The following BTBD10 variants were observed in gnomAD, a reference collection of about 807,000 sequenced individuals.
BTBD10 encodes BTB domain containing 10.
In BTBD10, 21 loss-of-function variants were observed where a neutral mutation model predicts 53.2. That is an observed-to-expected ratio of 0.39 (90% CI 0.28 to 0.57). The LOEUF is 0.57. BTBD10 is among the 20% of genes least tolerant of loss of function. The probability of loss-of-function intolerance (pLI) is 0.53; values close to 1 mark genes in which losing one functional copy is unlikely to be tolerated. For synonymous variants in BTBD10, 149 were observed against 192.7 expected (o/e 0.77, Z 1.88); for missense variants, 360 against 594.7 (o/e 0.61, Z 4.10).
chr11:13,404,641 G>T lies in BTBD10; in HGVS notation c.1006+1018C>A, dbSNP rs980958138. The T allele has an allele frequency of 1.8e-5, 18 of 982,986 alleles. No individual in the cohort carries two copies. The African/African-American group carries it at 3.2e-4, about 17-fold the overall frequency. 60.9% of individuals were successfully genotyped at this position (982,986 alleles called of 1,614,324 possible). A position where few individuals can be genotyped will look rare whatever the true frequency, so the allele number is the denominator to read the frequency against. ...CACATATTATAGAAAACCATTGTCA[G>T]CAAAGAGCCTAGAACTGAGGAAATA... On this transcript the variant is annotated intron_variant, in intron 7 of 8. Transcript: ENST00000278174.
At position 13,388,665 on chromosome 11, in the gene BTBD10, AAAAAC is replaced by A; in HGVS notation, c.*161_*165del. On this transcript the variant is annotated 3_prime_UTR_variant, in exon 9 of 9. Transcript: ENST00000278174. ...ATGCTAGAGTTGTACTCATTTAAAA[AAAAAC>A]CATTCAGCTACCTTTGGTCTTTAAA... 1.5e-6 allele frequency: 1 copy of A among 688,426 alleles called. No individual in the cohort carries two copies. Among genetic ancestry groups the A allele is most frequent in the Non-Finnish European group, 2.3e-6 (1 of 429,346 alleles). 42.6% of individuals were successfully genotyped at this position (688,426 alleles called of 1,614,324 possible).
intron 8 of BTBD10, among the ~76,000 whole-genome samples, chr11:13,396,262 G>T (rs891769362): frequency 6.6e-6 from 1 of 152,136 alleles, no homozygotes; most frequent in Non-Finnish European, 1.5e-5. Flanking sequence ...CACATCCCTT[G>T]TAAGTTGGAT....
intron 1 of BTBD10, among the ~76,000 whole-genome samples, chr11:13,457,640 AC>A (rs1183412391): frequency 1.3e-5 from 2 of 152,352 alleles, no homozygotes; most frequent in East Asian, 3.9e-4. Flanking sequence ...CAAAATGGTT[AC>A]CTATATGGGC....
chr11:13,440,322 G>C (rs1950622247), intron 2 of BTBD10: 2 of 1,105,286 alleles, frequency 1.8e-6, no homozygotes, highest in Non-Finnish European at 2.2e-6. Flanking sequence ...GCAGTGATTG[G>C]ATATTGTAAT....
At chr11:13,448,450 G>A (rs2134041024) in intron 1 of BTBD10, among the ~76,000 whole-genome samples, 1 of 152,190 alleles carries the variant, frequency 6.6e-6, no homozygotes, top group Admixed American at 6.5e-5. Flanking sequence ...ATCACTATCT[G>A]AATTATTTAA....
rs752426747 is a variant in BTBD10, at chr11:13,413,606, A to C, written c.732T>G (p.Ser244=). 6.2e-7 allele frequency: 1 copy of C among 1,611,792 alleles called. No homozygotes were observed. Among genetic ancestry groups the C allele is most frequent in the Admixed American group, 1.7e-5 (1 of 59,928 alleles). Reference sequence around the variant, plus strand: ...CACATGCTTCTCTCAGTTCAGGAATAGATATGCCATCAGGACAACGGATTA... The same window carrying C: ...CACATGCTTCTCTCAGTTCAGGAATCGATATGCCATCAGGACAACGGATTA... The part of the protein sequence containing the change: ...TGIIRCPDGI[S]IPELREACDY... The change falls in exon 6 of 9, where the codon TCT becomes TCG. Residue 244 remains serine (S), a synonymous_variant. Coordinates refer to ENST00000278174, the MANE Select transcript of BTBD10 (RefSeq NM_032320.7).
At chr11:13,442,948 G>T (rs185431232) in intron 2 of BTBD10, among the ~76,000 whole-genome samples, 26 of 152,178 alleles carry the variant, frequency 1.7e-4, no homozygotes, top group African/African-American at 6.3e-4. Context: ...GATTTTCCAT[G>T]AATGAGGCTA....
At chr11:13,446,674 G>A (rs1950754331) in intron 1 of BTBD10, among the ~76,000 whole-genome samples, 1 of 152,048 alleles carries the variant, frequency 6.6e-6, no homozygotes, top group Non-Finnish European at 1.5e-5. Flanking sequence ...CCTGGAAAAG[G>A]AAGCCTATTT....
At chr11:13,414,158 G>C (rs1950034027) in intron 5 of BTBD10, among the ~76,000 whole-genome samples, 1 of 152,128 alleles carries the variant, frequency 6.6e-6, no homozygotes, top group African/African-American at 2.4e-5. Context: ...CATACCATTA[G>C]ATATTCTTCT....
chr11:13,453,083 G>GA (rs1365697510), intron 1 of BTBD10, among the ~76,000 whole-genome samples: 3 of 152,032 alleles, frequency 2.0e-5, no homozygotes, highest in Non-Finnish European at 2.9e-5. Flanking sequence ...ATTTGTCCTA[G>GA]AAAAAATCTA....
At chr11:13,430,963 A>C (rs940836840) in intron 2 of BTBD10, among the ~76,000 whole-genome samples, 2 of 126,330 alleles carry the variant, frequency 1.6e-5, no homozygotes, top group African/African-American at 6.2e-5. Context: ...GTAAGGTTTT[A>C]TGGAGATACA....
intron 6 of BTBD10, among the ~76,000 whole-genome samples, chr11:13,409,614 C>T (rs1376986593): frequency 6.6e-6 from 1 of 152,142 alleles, no homozygotes; most frequent in Non-Finnish European, 1.5e-5. Context: ...AACCTCTGCA[C>T]ACATCATTTC....
Position 13,417,224 on chromosome 11 carries a change from T to C in BTBD10, c.621A>G (p.Arg207=). 1 of 1,613,482 alleles carries C rather than the reference T, an allele frequency of 6.2e-7. No homozygotes were observed. Among genetic ancestry groups the C allele is most frequent in the Non-Finnish European group, 8.5e-7 (1 of 1,179,682 alleles). The part of the protein sequence containing the change: ...FGSGREHNFT[R]PNEKGEYEVA... ...CCTCATACTCTCCTTTCTCATTGGG[T>C]CGTGTAAAGTTATGTTCTCGGCCAG... The change falls in exon 5 of 9, where the codon CGA becomes CGG. Residue 207 remains arginine, a synonymous_variant. Coordinates refer to ENST00000278174, the MANE Select transcript of BTBD10 (RefSeq NM_032320.7).
At chr11:13,424,651 A>G (rs1950302886) in intron 2 of BTBD10, among the ~76,000 whole-genome samples, 1 of 152,178 alleles carries the variant, frequency 6.6e-6, no homozygotes, top group Admixed American at 6.5e-5. Context: ...AAGGATAGGT[A>G]AGGACATGAA....
At chr11:13,414,650 T>A (rs1391108318) in intron 5 of BTBD10, among the ~76,000 whole-genome samples, 8 of 149,322 alleles carry the variant, frequency 5.4e-5, no homozygotes, top group Admixed American at 4.7e-4. Flanking sequence ...CAAGACTCCA[T>A]CTCAAAATAA....
intron 2 of BTBD10, among the ~76,000 whole-genome samples, chr11:13,433,057 C>T (rs1950480591): frequency 6.6e-6 from 1 of 152,010 alleles, no homozygotes; most frequent in Non-Finnish European, 1.5e-5. Context: ...CCATAAAAGG[C>T]TATATATATG....
At chr11:13,460,882 TA>T (rs1326233517) in intron 1 of BTBD10, among the ~76,000 whole-genome samples, 1 of 152,222 alleles carries the variant, frequency 6.6e-6, no homozygotes. Context: ...GCAAATACAA[TA>T]AAGAGCTTCT....
chr11:13,458,400 G>C (rs1401583595), intron 1 of BTBD10, among the ~76,000 whole-genome samples: 2 of 152,006 alleles, frequency 1.3e-5, no homozygotes, highest in Non-Finnish European at 2.9e-5. Context: ...AAAATAAATA[G>C]AAGTTCTATT....
chr11:13,399,785 G>C (rs1444469907), intron 8 of BTBD10, among the ~76,000 whole-genome samples: 2 of 152,186 alleles, frequency 1.3e-5, no homozygotes, highest in East Asian at 1.9e-4. Flanking sequence ...CTCAGCAGCA[G>C]GTCTGTTGGA....
Sources: allele counts gnomAD v4.1 joint callset (sites outside exome capture counted in the v4.1 genomes callset), GRCh38; gene constraint gnomAD v4.1.1; transcripts MANE v1.5; gene names NCBI Gene and HGNC (gene_info 2026-07-23, HGNC 2026-07-21).